MAPKAP1: variants seen among roughly 807,000 people sequenced by gnomAD.
The protein encoded by MAPKAP1 is MAPK associated protein 1.
Under a neutral mutation model 65.7 loss-of-function variants are expected in MAPKAP1, and 20 were observed. The ratio of observed to expected loss-of-function variants is 0.30; its 90% CI spans 0.21 to 0.44. The LOEUF (loss-of-function observed/expected upper bound fraction) is 0.44, where lower values mean the gene tolerates loss of function less well. MAPKAP1 is among the 20% of genes least tolerant of loss of function. MAPKAP1 has a pLI of 1.00. For synonymous variants in MAPKAP1, 222 were observed against 244.3 expected, an observed-to-expected ratio of 0.91 and a Z score of 0.85; for missense variants, 423 against 648.0, an observed-to-expected ratio of 0.65 and a Z score of 3.77.
chr9:125,442,131 A>AG (rs1404650817), intron 11 of MAPKAP1, among the ~76,000 whole-genome samples: 10 of 149,168 alleles, frequency 6.7e-5, no homozygotes, highest in South Asian at 4.3e-4. Context: ...TCTGTCTCAA[A>AG]AAAAAAAAAA....
intron 5 of MAPKAP1, among the ~76,000 whole-genome samples, chr9:125,562,439 C>T (rs944669078): frequency 6.6e-6 from 1 of 152,162 alleles, no homozygotes; most frequent in Non-Finnish European, 1.5e-5. Flanking sequence ...GAATAGAAGC[C>T]TCTTCTGGGT....
chr9:125,611,810 A>G (rs1250100674), intron 4 of MAPKAP1, among the ~76,000 whole-genome samples: 1 of 152,220 alleles, frequency 6.6e-6, no homozygotes, highest in East Asian at 1.9e-4. Flanking sequence ...CAATATACAA[A>G]GAAAAAATAG....
chr9:125,481,840 T>G (rs565725587), intron 9 of MAPKAP1, among the ~76,000 whole-genome samples: 3 of 151,872 alleles, frequency 2.0e-5, no homozygotes, highest in Admixed American at 6.6e-5. Context: ...TTTCATAAAC[T>G]GAAAGTGTGG....
At chr9:125,475,304 T>C (rs1462567355) in intron 9 of MAPKAP1, among the ~76,000 whole-genome samples, 2 of 152,148 alleles carry the variant, frequency 1.3e-5, no homozygotes, top group African/African-American at 2.4e-5. Flanking sequence ...AAAAGCGCTG[T>C]CTCCAGCAAT....
intron 4 of MAPKAP1, among the ~76,000 whole-genome samples, chr9:125,653,223 C>A (rs1386647896): frequency 1.3e-5 from 2 of 152,146 alleles, no homozygotes; most frequent in African/African-American, 2.4e-5. Context: ...GCCCCTGTAA[C>A]AAGAAACAGA....
At chr9:125,488,551 G>A (rs1210708230) in intron 8 of MAPKAP1, among the ~76,000 whole-genome samples, 1 of 152,150 alleles carries the variant, frequency 6.6e-6, no homozygotes. Flanking sequence ...TCGCCTTGTT[G>A]GCCAGGCTGG....
intron 3 of MAPKAP1, 111 bp from the exon 4 acceptor site, chr9:125,657,910 T>C: frequency 2.9e-6 from 3 of 1,038,656 alleles, no homozygotes; most frequent in Non-Finnish European, 4.3e-6. Context: ...CAGAGACATG[T>C]TCAGGTCGGA....
chr9:125,589,034 T>C (rs2131585963), intron 4 of MAPKAP1, among the ~76,000 whole-genome samples: 1 of 152,328 alleles, frequency 6.6e-6, no homozygotes, highest in South Asian at 2.1e-4. Flanking sequence ...TTCATGGCTT[T>C]GCATGCGTGA....
At chr9:125,602,502 A>G (rs1007474991) in intron 4 of MAPKAP1, among the ~76,000 whole-genome samples, 1 of 152,188 alleles carries the variant, frequency 6.6e-6, no homozygotes, top group Admixed American at 6.5e-5. Context: ...CCACAGGATA[A>G]TACAAACTGT....
intron 11 of MAPKAP1, among the ~76,000 whole-genome samples, chr9:125,441,628 TA>T (rs1233265761): frequency 1.3e-5 from 2 of 152,170 alleles, no homozygotes; most frequent in African/African-American, 2.4e-5. Flanking sequence ...TCATTTTATG[TA>T]AAATTCCTGA....
intron 4 of MAPKAP1, among the ~76,000 whole-genome samples, chr9:125,612,830 C>T (rs748335882): frequency 9.9e-5 from 15 of 152,274 alleles, no homozygotes; most frequent in South Asian, 4.1e-4. Flanking sequence ...GAGTGACTGA[C>T]ACTCATCAAA....
chr9:125,608,828 T>C (rs377025638), intron 4 of MAPKAP1, among the ~76,000 whole-genome samples: 1 of 152,174 alleles, frequency 6.6e-6, no homozygotes, highest in South Asian at 2.1e-4. Flanking sequence ...CAATTTCCTT[T>C]ACTAAAAAAC....
At chr9:125,685,154 G>C (rs1041570674) in intron 1 of MAPKAP1, among the ~76,000 whole-genome samples, 1 of 152,210 alleles carries the variant, frequency 6.6e-6, no homozygotes, top group Non-Finnish European at 1.5e-5. Flanking sequence ...AGCAGAGAAG[G>C]CAAAGTCCTG....
At chr9:125,691,271 C>T (rs892805423) in intron 1 of MAPKAP1, among the ~76,000 whole-genome samples, 4 of 150,604 alleles carry the variant, frequency 2.7e-5, no homozygotes, top group African/African-American at 1.0e-4. Context: ...AAAAACAAAA[C>T]AAAACAAAAC....
At chr9:125,493,697 G>GT (rs2133057712) in intron 8 of MAPKAP1, among the ~76,000 whole-genome samples, 1 of 152,318 alleles carries the variant, frequency 6.6e-6, no homozygotes, top group South Asian at 2.1e-4. Context: ...CTCAACAACT[G>GT]TGACGGTGGC....
intron 4 of MAPKAP1, among the ~76,000 whole-genome samples, chr9:125,620,143 T>C (rs2131648780): frequency 6.6e-6 from 1 of 152,346 alleles, no homozygotes; most frequent in East Asian, 1.9e-4. Context: ...ACCTCGCCTC[T>C]ACTAAAAATG....
intron 5 of MAPKAP1, among the ~76,000 whole-genome samples, chr9:125,577,138 C>A (rs1017346292): frequency 6.6e-6 from 1 of 151,586 alleles, no homozygotes; most frequent in Admixed American, 6.6e-5. Context: ...GGCCGCCCAT[C>A]GTCTGAGATG....
chr9:125,647,412 C>T (rs139966280), intron 4 of MAPKAP1, among the ~76,000 whole-genome samples: 13 of 152,292 alleles, frequency 8.5e-5, no homozygotes, highest in African/African-American at 2.6e-4. Context: ...GTGACCAAAG[C>T]TGAATTCCCT....
chr9:125,494,237 C>T (rs1014645406), intron 8 of MAPKAP1, among the ~76,000 whole-genome samples: 3 of 152,116 alleles, frequency 2.0e-5, no homozygotes, highest in African/African-American at 7.2e-5. Flanking sequence ...CCTTTGGCTA[C>T]TAGTTATTTT....
Sources: gnomAD v4.1 joint callset for allele counts (sites outside exome capture counted in the v4.1 genomes callset) on GRCh38, gnomAD v4.1.1 for gene constraint, MANE v1.5 for transcripts, NCBI Gene and HGNC (gene_info 2026-07-23, HGNC 2026-07-21) for gene names.